The following ANK3 variants were observed in gnomAD, a reference collection of about 807,000 sequenced individuals.
The protein encoded by ANK3 is ankyrin-3.
Under a neutral mutation model 370.9 loss-of-function variants are expected in ANK3, and 57 were observed. The observed-to-expected ratio is 0.15, with a 90% confidence interval of 0.12 to 0.19. The LOEUF (loss-of-function observed/expected upper bound fraction) is 0.19, where lower values mean the gene tolerates loss of function less well. ANK3 is among the 10% of genes least tolerant of loss of function. ANK3 has a pLI of 1.00. For missense variants in ANK3, 4,439 were observed against 5,302.1 expected (o/e 0.84, Z 5.06); for synonymous variants, 1,929 against 1,946.3 (o/e 0.99, Z 0.23).
At chr10:60,225,831 T>C (rs2132501596) in intron 8 of ANK3, among the ~76,000 whole-genome samples, 1 of 151,906 alleles carries the variant, frequency 6.6e-6, no homozygotes, top group East Asian at 1.9e-4. Flanking sequence ...TTGTCTCCTT[T>C]TGTGCTGGAA....
rs186051700 is a variant in ANK3, at chr10:60,072,289, C to A, written c.8592G>T (p.Lys2864Asn). The change falls in exon 37 of 44, where the codon AAG (lysine) becomes AAT (asparagine). Residue 2864 changes from lysine (K) to asparagine (N), a missense_variant. Physicochemically the swap from Lys to Asn is moderately conservative, Grantham distance 94. Transcript: ENST00000280772. ...TWESSGATNNKSQKEKLSHVL... is the reference protein window; with the variant it reads ...TWESSGATNNNSQKEKLSHVL... ...CATGCGAAAGTTTTTCTTTCTGAGA[C>A]TTATTGTTAGTGGCTCCCGAACTCT... The A allele has an allele frequency of 9.9e-6, 16 of 1,613,998 alleles. No homozygotes were observed. Among genetic ancestry groups the A allele is most frequent in the Admixed American group, 5.0e-5 (3 of 59,990 alleles).
rs575077906 is a variant in ANK3 at position 60,162,512 on chromosome 10, A to G, written c.2614+4079T>C. ...TGGATTTTAATTTACTGTGGCTTCC[A>G]CTGGCCACCAAATTTGGCACGAAGC... On this transcript the variant is annotated intron_variant, in intron 23 of 43. Coordinates refer to ENST00000280772, the MANE Select transcript of ANK3 (RefSeq NM_020987.5). Among the ~76,000 whole-genome samples, 10 of 152,286 alleles carry G rather than the reference A, an allele frequency of 6.6e-5. No individual in the cohort carries two copies. The South Asian group carries it at 2.1e-3, about 32-fold the overall frequency.
intron 2 of ANK3, among the ~76,000 whole-genome samples, chr10:60,500,892 TTTGA>T (rs1415090804): frequency 1.3e-5 from 2 of 152,204 alleles, no homozygotes; most frequent in African/African-American, 2.4e-5. Context: ...CAATTAAATA[TTTGA>T]TTGTGGTAAT....
intron 1 of ANK3, among the ~76,000 whole-genome samples, chr10:60,626,574 C>G (rs1299779802): frequency 1.3e-5 from 2 of 152,080 alleles, no homozygotes; most frequent in Non-Finnish European, 2.9e-5. Flanking sequence ...CCAAGAAGAC[C>G]TTGGAAATTC....
At chr10:60,498,197 C>G (rs1255347507) in intron 2 of ANK3, among the ~76,000 whole-genome samples, 1 of 152,168 alleles carries the variant, frequency 6.6e-6, no homozygotes, top group Non-Finnish European at 1.5e-5. Context: ...CTGTTCTTCA[C>G]ATTCTCTTGA....
chr10:60,453,480 G>A (rs2064663643), intron 2 of ANK3, among the ~76,000 whole-genome samples: 3 of 152,096 alleles, frequency 2.0e-5, no homozygotes, highest in South Asian at 2.1e-4. Flanking sequence ...TGTCCCAAAC[G>A]TATCTGTGCA....
chr10:60,305,413 C>T (rs1482221748), intron 1 of ANK3, among the ~76,000 whole-genome samples: 2 of 151,910 alleles, frequency 1.3e-5, no homozygotes, highest in East Asian at 1.9e-4. Context: ...TCCTATCCAC[C>T]GAGACCTCCC....
chr10:60,339,865 C>A (rs541871825), intron 1 of ANK3, among the ~76,000 whole-genome samples: 37 of 152,108 alleles, frequency 2.4e-4, no homozygotes, highest in Non-Finnish European at 5.1e-4. Flanking sequence ...CAGCTCTCTG[C>A]CAACAAATAT....
At chr10:60,622,897 T>C (rs1479222687) in intron 1 of ANK3, among the ~76,000 whole-genome samples, 1 of 152,206 alleles carries the variant, frequency 6.6e-6, no homozygotes, top group African/African-American at 2.4e-5. Context: ...AAATGCTGCA[T>C]ACTGACCAAA....
chr10:60,086,200 T>A (rs1224730242), intron 30 of ANK3, among the ~76,000 whole-genome samples: 1 of 152,220 alleles, frequency 6.6e-6, no homozygotes, highest in Admixed American at 6.5e-5. Flanking sequence ...CGGATTACAC[T>A]GGCGAGTACA....
chr10:60,450,124 C>T (rs1595057899), intron 2 of ANK3, among the ~76,000 whole-genome samples: 1 of 151,804 alleles, frequency 6.6e-6, no homozygotes, highest in African/African-American at 2.4e-5. Context: ...TAGTGAGACC[C>T]CATATCTACA....
At chr10:60,119,227 T>C (rs1219950406) in intron 25 of ANK3, among the ~76,000 whole-genome samples, 1 of 152,238 alleles carries the variant, frequency 6.6e-6, no homozygotes, top group Non-Finnish European at 1.5e-5. Context: ...CGCATCCATC[T>C]AAATATAAAA....
At chr10:60,138,877 G>A (rs2132207118) in intron 24 of ANK3, 87 bp downstream of exon 24, 1 of 1,536,918 alleles carries the variant, frequency 6.5e-7, no homozygotes, top group African/African-American at 1.4e-5. Flanking sequence ...CACATTTTGG[G>A]ATAATGTGAA....
intron 23 of ANK3, among the ~76,000 whole-genome samples, chr10:60,162,613 T>C (rs1026441217): frequency 1.3e-5 from 2 of 152,202 alleles, no homozygotes; most frequent in African/African-American, 4.8e-5. Context: ...ATCTCAAACT[T>C]ATACCTACTT....
intron 1 of ANK3, among the ~76,000 whole-genome samples, chr10:60,373,647 A>G (rs1017652979): frequency 4.6e-5 from 7 of 152,208 alleles, no homozygotes. Context: ...TCTCATAGTC[A>G]CAGATGGAAG....
intron 1 of ANK3, among the ~76,000 whole-genome samples, chr10:60,688,731 G>A (rs536471950): frequency 2.2e-3 from 335 of 152,028 alleles, no homozygotes; most frequent in Non-Finnish European, 3.7e-3. Flanking sequence ...GGCGGATCAC[G>A]AGGTCAGGAG....
intron 36 of ANK3, among the ~76,000 whole-genome samples, chr10:60,078,937 A>G (rs1225063449): frequency 3.9e-5 from 6 of 152,158 alleles, no homozygotes; most frequent in Non-Finnish European, 5.9e-5. Flanking sequence ...TAACACTATT[A>G]TAAGTGGGAA....
chr10:60,157,914 G>C (rs1180223751), intron 23 of ANK3, among the ~76,000 whole-genome samples: 1 of 149,110 alleles, frequency 6.7e-6, no homozygotes, highest in African/African-American at 2.5e-5. Context: ...GAGAGAGAGA[G>C]AGAGAGAGAG....
At chr10:60,694,098 G>C (rs984348755) in intron 1 of ANK3, among the ~76,000 whole-genome samples, 4 of 152,184 alleles carry the variant, frequency 2.6e-5, no homozygotes, top group African/African-American at 7.2e-5. Context: ...ACTATGTGAA[G>C]AATGCAGAAG....
Sources: gnomAD v4.1 joint callset for allele counts (sites outside exome capture counted in the v4.1 genomes callset) on GRCh38, gnomAD v4.1.1 for gene constraint, MANE v1.5 for transcripts, NCBI Gene and HGNC (gene_info 2026-07-23, HGNC 2026-07-21) for gene names.